The following GFI1 variants were observed in gnomAD, a reference collection of about 807,000 sequenced individuals.
The protein encoded by GFI1 is zinc finger protein Gfi-1.
In GFI1, 15 loss-of-function variants were observed where a neutral mutation model predicts 39.2. The ratio of observed to expected loss-of-function variants is 0.38; its 90% confidence interval spans 0.26 to 0.59. The LOEUF (loss-of-function observed/expected upper bound fraction) is 0.59. Ranked by LOEUF, GFI1 falls within the 20% of genes least tolerant of loss-of-function variation. The pLI, the probability that GFI1 is intolerant of heterozygous loss-of-function variation, is 0.62. For missense variants in GFI1, 475 were observed against 574.0 expected, an observed-to-expected ratio of 0.83 and a Z score of 1.76; for synonymous variants, 239 against 254.3, an observed-to-expected ratio of 0.94 and a Z score of 0.57.
rs982883265 is a variant in GFI1 at position 92,480,560 on chromosome 1, C to G, written c.786+41G>C. On this transcript the variant is annotated intron_variant, in intron 4 of 6. Transcript: ENST00000294702. The surrounding 1 kb of genome is among the most constrained non-coding windows in gnomAD (Gnocchi z 5.6). ...GCAGGCGAGGCGCGGGTAGGGGAAG[C>G]GGGCGCACGGCAGGCGAGGTGGTGA... The G allele has an allele frequency of 6.5e-7, 1 of 1,541,710 alleles. No individual in the cohort carries two copies. The highest frequency in any genetic ancestry group is 8.7e-7 in the Non-Finnish European group (1 of 1,145,226).
rs1300142666 is a variant in GFI1 at position 92,473,275 on chromosome 1, GT to G, written c.*2753del. ...CAAAAATGGACCAAATGTTCTAAAC[GT>G]CATAAGGGAAGAGCAGGACAGCACA... On this transcript the variant is annotated 3_prime_UTR_variant, in exon 7 of 7. Coordinates refer to ENST00000294702, the MANE Select transcript of GFI1 (RefSeq NM_005263.5). Among the ~76,000 whole-genome samples the G allele has an allele frequency of 6.6e-6, 1 of 151,514 alleles. No individual in the cohort carries two copies. Among genetic ancestry groups the G allele is most frequent in the Non-Finnish European group, 1.5e-5 (1 of 67,984 alleles).
intron 1 of GFI1, chr1:92,483,788 C>T (rs1381852173): frequency 2.3e-6 from 1 of 439,500 alleles, no homozygotes; most frequent in Non-Finnish European, 4.3e-6. Context: ...GCCGCCGCCA[C>T]TGACACAGCT....
intron 1 of GFI1, among the ~76,000 whole-genome samples, chr1:92,485,708 G>A (rs1188564813): frequency 6.6e-6 from 1 of 152,180 alleles, no homozygotes; most frequent in Non-Finnish European, 1.5e-5. Context: ...AGGGCGCTAA[G>A]GGGGCGTCCT....
chr1:92,476,182 C>T lies in GFI1; in HGVS notation c.1116G>A (p.Val372=), dbSNP rs202126222. Residue 372 remains valine (V), a synonymous_variant, in exon 7 of 7, where the codon GTG becomes GTA. Coordinates refer to ENST00000294702, the MANE Select transcript of GFI1 (RefSeq NM_005263.5). The part of the protein sequence containing the change: ...HTGEKPHKCQ[V]CGKAFSQSSN... ...AGCTCTGGCTGAATGCCTTGCCGCA[C>T]ACCTGGCACTTGTGAGGCTTCTCAC... 2 of 1,613,626 alleles carry T rather than the reference C, an allele frequency of 1.2e-6. No individual in the cohort carries two copies. The highest frequency in any genetic ancestry group is 1.3e-5 in the African/African-American group (1 of 75,026).
chr1:92,482,055 G>C lies in GFI1; in HGVS notation c.298+809C>G, dbSNP rs894808822. Among the ~76,000 whole-genome samples the C allele has an allele frequency of 2.6e-5, 4 of 151,996 alleles. No individual in the cohort carries two copies. ...GCGCCCAATCCTTGTCTGGCCACTT[G>C]ACGCCCTGGCAGGAAGAATCCTCCC... On this transcript the variant is annotated intron_variant, in intron 3 of 6. Transcript: ENST00000294702. This position sits in a 1 kb window ranked among gnomAD's most constrained non-coding sequence, Gnocchi z 4.4.
At position 92,481,521 on chromosome 1, in the gene GFI1, C is replaced by A. The variant is rs1233561216; in HGVS notation, c.299-433G>T. Among the ~76,000 whole-genome samples, 1 of 152,220 alleles carries A rather than the reference C, an allele frequency of 6.6e-6. No individual in the cohort carries two copies. Among genetic ancestry groups the A allele is most frequent in the Non-Finnish European group, 1.5e-5 (1 of 68,042 alleles). On this transcript the variant is annotated intron_variant, in intron 3 of 6. Transcript: ENST00000294702. The surrounding 1 kb of genome is among the most constrained non-coding windows in gnomAD (Gnocchi z 4.3). ...AAGGGCGGAAGGGTCCAGCCACCAG[C>A]GCAGGCACTCTCCCAGCCCCTACAT...
At chr1:92,477,783 AG>A in intron 6 of GFI1, among the ~76,000 whole-genome samples, 1 of 152,376 alleles carries the variant, frequency 6.6e-6, no homozygotes, top group African/African-American at 2.4e-5. Flanking sequence ...GCATTATAAT[AG>A]GTAAGGAATT....
At chr1:92,478,817 A>G in intron 5 of GFI1, 64 bp from the exon 6 acceptor site, 2 of 1,591,440 alleles carry the variant, frequency 1.3e-6, no homozygotes, top group Non-Finnish European at 1.7e-6. Flanking sequence ...ACTGCAGTCA[A>G]CTAGACTGCT....
Position 92,475,642 on chromosome 1 carries a change from G to T in GFI1, c.*387C>A. 1 of 286,818 alleles carries T rather than the reference G, an allele frequency of 3.5e-6. No homozygotes were observed. 17.8% of individuals were successfully genotyped at this position (286,818 alleles called of 1,614,324 possible). ...CTCTTCCACACAAATATCTGGGGTA[G>T]GTCAAGAGGGGGGAGGGAAGAAACC... On this transcript the variant is annotated 3_prime_UTR_variant, in exon 7 of 7. Transcript: ENST00000294702.
intron 5 of GFI1, among the ~76,000 whole-genome samples, chr1:92,479,852 G>A (rs1557668501): frequency 6.6e-6 from 1 of 151,664 alleles, no homozygotes; most frequent in African/African-American, 2.4e-5. Context: ...GACTCTGAAA[G>A]AAAAGAAAAG....
In GFI1 at chr1:92,473,348, T is replaced by C. The variant is rs1017470254; in HGVS notation, c.*2681A>G. 2.6e-5 allele frequency among the ~76,000 whole-genome samples: 4 copies of C among 152,104 alleles called. No individual in the cohort carries two copies. Among genetic ancestry groups the C allele is most frequent in the Non-Finnish European group, 5.9e-5 (4 of 68,024 alleles). ...TCTACTTACCCCTCAGTGCAACTTC[T>C]TTACTTTTCAAACCAGGTTGGAAAT... On this transcript the variant is annotated 3_prime_UTR_variant, in exon 7 of 7. Coordinates refer to ENST00000294702, the MANE Select transcript of GFI1 (RefSeq NM_005263.5).
At chr1:92,478,782 A>AGAGAGG (rs1210198842) in intron 5 of GFI1, 29 bp from the exon 6 acceptor site, 3 of 1,610,960 alleles carry the variant, frequency 1.9e-6, no homozygotes, top group Middle Eastern at 1.9e-4. Context: ...AGAGAGAGAG[A>AGAGAGG]GAGAGAGAGA....
rs1314277820 is a variant in GFI1 at position 92,482,436 on chromosome 1, C to A, written c.298+428G>T. Among the ~76,000 whole-genome samples the A allele has an allele frequency of 1.3e-5, 2 of 152,136 alleles. No homozygotes were observed. The highest frequency in any genetic ancestry group is 2.9e-5 in the Non-Finnish European group (2 of 68,032). On this transcript the variant is annotated intron_variant, in intron 3 of 6. Transcript: ENST00000294702. The surrounding 1 kb of genome is among the most constrained non-coding windows in gnomAD (Gnocchi z 4.4). ...AGATTTTCGTCCTGCCCCCTCCCTG[C>A]CGCCCAGCGCCTAGCTCCTCTGCCT...
chr1:92,483,333 C>A (rs564226915), intron 2 of GFI1, 40 bp downstream of exon 2: 4 of 1,151,442 alleles, frequency 3.5e-6, no homozygotes, highest in Admixed American at 1.7e-5. Flanking sequence ...CAGTAGGCAT[C>A]CGGGGGAGCA....
chr1:92,483,141 C>G, intron 2 of GFI1, 95 bp from the exon 3 acceptor site: 3 of 1,180,078 alleles, frequency 2.5e-6, no homozygotes, highest in Non-Finnish European at 3.5e-6. Flanking sequence ...GGCAGCCGAG[C>G]GTCTTCCCCT....
At chr1:92,479,951 G>A (rs775958650) in intron 5 of GFI1, among the ~76,000 whole-genome samples, 14 of 152,116 alleles carry the variant, frequency 9.2e-5, no homozygotes, top group Non-Finnish European at 1.9e-4. Context: ...TGAGATTCCT[G>A]CCTTTTCAGT....
chr1:92,474,088 C>T lies in GFI1; in HGVS notation c.*1941G>A, dbSNP rs187644000. Among the ~76,000 whole-genome samples the T allele has an allele frequency of 1.2e-4, 19 of 152,310 alleles. No homozygotes were observed. The South Asian group carries it at 1.7e-3, about 13-fold the overall frequency. ...TAGGGATTTTGGCCAGGATTTTATT[C>T]TGGTTTCATTCTCTTAAAGGATTGA... On this transcript the variant is annotated 3_prime_UTR_variant, in exon 7 of 7. Coordinates refer to ENST00000294702, the MANE Select transcript of GFI1 (RefSeq NM_005263.5).
rs1658452430 is a variant in GFI1 at position 92,484,854 on chromosome 1, T to C, written c.-99-1268A>G. 6.6e-6 allele frequency among the ~76,000 whole-genome samples: 1 copy of C among 152,202 alleles called. No homozygotes were observed. The highest frequency in any genetic ancestry group is 6.5e-5 in the Admixed American group (1 of 15,286). ...TGCAGTACAGCAGTTCTCCGTGGCC[T>C]CGGCTGGTTCAGAAACGAGGGTGCT... On this transcript the variant is annotated intron_variant, in intron 1 of 6. Coordinates refer to ENST00000294702, the MANE Select transcript of GFI1 (RefSeq NM_005263.5). This position sits in a 1 kb window ranked among gnomAD's most constrained non-coding sequence, Gnocchi z 4.1.
In GFI1 at chr1:92,480,542, A is replaced by C; in HGVS notation, c.787-57T>G. ...TGAGAGGGGCCGCGGGGCGCAGGCGAGGCGCGGGTAGGGGAAGCGGGCGCA... is the reference window on the plus strand; with the variant it reads ...TGAGAGGGGCCGCGGGGCGCAGGCGCGGCGCGGGTAGGGGAAGCGGGCGCA... On this transcript the variant is annotated intron_variant, in intron 4 of 6. Coordinates refer to ENST00000294702, the MANE Select transcript of GFI1 (RefSeq NM_005263.5). The surrounding 1 kb of genome is among the most constrained non-coding windows in gnomAD (Gnocchi z 5.6). 6.5e-7 allele frequency: 1 copy of C among 1,544,758 alleles called. No individual in the cohort carries two copies. Among genetic ancestry groups the C allele is most frequent in the Non-Finnish European group, 8.7e-7 (1 of 1,145,432 alleles).
Sources: gnomAD v4.1 joint callset for allele counts (sites outside exome capture counted in the v4.1 genomes callset) on GRCh38, gnomAD v4.1.1 for gene constraint, Gnocchi (gnomAD v3.1) non-coding constraint, MANE v1.5 for transcripts, NCBI Gene and HGNC (gene_info 2026-07-23, HGNC 2026-07-21) for gene names.